Variants in MN1 observed in about 807,000 individuals in gnomAD.
The protein encoded by MN1 is MN1 proto-oncogene, transcriptional regulator.
A neutral mutation model predicts 86.9 loss-of-function variants in MN1; 19 were observed. The observed-to-expected ratio is 0.22, with a 90% CI of 0.15 to 0.32. The LOEUF is 0.32. Ranked by LOEUF, MN1 falls within the 10% of genes least tolerant of loss-of-function variation. The probability of loss-of-function intolerance (pLI) is 1.00; values close to 1 mark genes in which losing one functional copy is unlikely to be tolerated. For synonymous variants in MN1, 928 were observed against 849.6 expected, an observed-to-expected ratio of 1.09 and a Z score of -1.60; for missense variants, 1,841 against 1,862.0, an observed-to-expected ratio of 0.99 and a Z score of 0.21.
rs776544954 is a variant in MN1, at chr22:27,799,770, A to G, written c.774T>C (p.His258=). 6.3e-7 allele frequency: 1 copy of G among 1,594,822 alleles called. No homozygotes were observed. The highest frequency in any genetic ancestry group is 1.1e-5 in the South Asian group (1 of 88,536). Reference sequence around the variant, plus strand: ...CAGGAACCTGGCGACCCGCTGCATAATGAGGCAGCTGCCCTTCGGAGTCAG... The same window carrying G: ...CAGGAACCTGGCGACCCGCTGCATAGTGAGGCAGCTGCCCTTCGGAGTCAG... The part of the protein sequence containing the change: ...SPSDSEGQLP[H]YAAGRQVPGG... The change falls in exon 1 of 2, where the codon CAT becomes CAC. Residue 258 remains histidine, a synonymous_variant. Transcript: ENST00000302326.
At chr22:27,769,987 A>G (rs1932901060) in intron 1 of MN1, among the ~76,000 whole-genome samples, 1 of 152,170 alleles carries the variant, frequency 6.6e-6, no homozygotes, top group Non-Finnish European at 1.5e-5. Flanking sequence ...GGAAAAGGAG[A>G]GTCGATGGCT....
Position 27,800,794 on chromosome 22 carries a change from C to T in MN1, c.-251G>A, listed in dbSNP as rs967305870. 22 of 536,910 alleles carry T rather than the reference C, an allele frequency of 4.1e-5. 1 individual carries two copies. In the South Asian group the frequency reaches 4.7e-4, roughly 12 times the overall value. The allele number at this position is 536,910 out of a possible 1,614,324, so 33.3% of individuals were successfully genotyped here. A position where few individuals can be genotyped will look rare whatever the true frequency, so the allele number is the denominator to read the frequency against. The stretch of plus-strand genomic sequence containing the variant: ...GCGAGGCCGCGGGGCCTCTAGGAGC[C>T]GTGTTGGGGGGCCCATGCCCCGGGC... On this transcript the variant is annotated 5_prime_UTR_variant, in exon 1 of 2. Transcript: ENST00000302326.
At chr22:27,781,446 C>A (rs1933052306) in intron 1 of MN1, among the ~76,000 whole-genome samples, 1 of 152,058 alleles carries the variant, frequency 6.6e-6, no homozygotes, top group African/African-American at 2.4e-5. Flanking sequence ...TAGACATTGC[C>A]AAGTATGCCC....
chr22:27,797,436 A>C lies in MN1; in HGVS notation c.3108T>G (p.Ser1036Arg). ...GSLDGGAKSD[S>R]SSPNVGEFAS... ...CGAACTCACCCACGTTTGGCGAACT[A>C]CTGTCCGACTTGGCCCCGCCGTCCA... Residue 1036 changes from serine to arginine, a missense_variant, in exon 1 of 2, where the codon AGT becomes AGG. By Grantham distance (110) the Ser-to-Arg change is moderately radical. Transcript: ENST00000302326. The C allele has an allele frequency of 1.2e-6, 2 of 1,608,524 alleles. No individual in the cohort carries two copies. Among genetic ancestry groups the C allele is most frequent in the Non-Finnish European group, 1.7e-6 (2 of 1,177,810 alleles).
intron 1 of MN1, among the ~76,000 whole-genome samples, chr22:27,759,358 T>C (rs1241947421): frequency 6.6e-6 from 1 of 152,116 alleles, no homozygotes; most frequent in African/African-American, 2.4e-5. Flanking sequence ...GACTCTGGGC[T>C]CAGGGGCAGG....
chr22:27,763,285 C>G (rs904917665), intron 1 of MN1, among the ~76,000 whole-genome samples: 2 of 152,216 alleles, frequency 1.3e-5, no homozygotes, highest in Non-Finnish European at 2.9e-5. Context: ...CCCCCCCATC[C>G]ATGGGTCTGC....
At chr22:27,790,875 G>A (rs550226894) in intron 1 of MN1, among the ~76,000 whole-genome samples, 7 of 152,260 alleles carry the variant, frequency 4.6e-5, no homozygotes, top group East Asian at 1.9e-4. Flanking sequence ...CAGGAGGCCC[G>A]GGAGGCTGAG....
chr22:27,782,124 T>TA (rs768573663), intron 1 of MN1, among the ~76,000 whole-genome samples: 14 of 151,990 alleles, frequency 9.2e-5, no homozygotes, highest in Non-Finnish European at 1.3e-4. Context: ...TGTCGGGTGG[T>TA]AAAAAATACC....
chr22:27,785,056 CCACACACA>C (rs57257445), intron 1 of MN1, among the ~76,000 whole-genome samples: 220 of 144,880 alleles, frequency 1.5e-3, no homozygotes, highest in East Asian at 6.2e-3. Context: ...CTGGCATCCG[CCACACACA>C]CACACACACA....
intron 1 of MN1, among the ~76,000 whole-genome samples, chr22:27,788,900 G>T (rs1933175591): frequency 6.6e-6 from 1 of 152,066 alleles, no homozygotes; most frequent in African/African-American, 2.4e-5. Flanking sequence ...CCCCCAGACG[G>T]TGTCACTCCA....
At chr22:27,767,817 A>C (rs1932881675) in intron 1 of MN1, among the ~76,000 whole-genome samples, 1 of 152,156 alleles carries the variant, frequency 6.6e-6, no homozygotes, top group Admixed American at 6.5e-5. Context: ...AGAAAGAGAG[A>C]GACAGTATCA....
In MN1 at chr22:27,798,504, C is replaced by A. The variant is rs749415406; in HGVS notation, c.2040G>T (p.Leu680=). ...CTCCGGGCATCCTCATCGGCTCCTG[C>A]AGAGGGCCCCGGAACAGCACCCCCG... is the stretch of plus-strand genomic sequence containing the variant. ...GGSGVLFRGP[L]QEPMRMPGEG... The change falls in exon 1 of 2, where the codon CTG becomes CTT. Residue 680 remains leucine, a synonymous_variant. Coordinates refer to ENST00000302326, the MANE Select transcript of MN1 (RefSeq NM_002430.3). 1 of 1,543,660 alleles carries A rather than the reference C, an allele frequency of 6.5e-7. No individual in the cohort carries two copies. Among genetic ancestry groups the A allele is most frequent in the South Asian group, 1.2e-5 (1 of 82,196 alleles).
Position 27,754,505 on chromosome 22 carries a change from G to A in MN1, c.3782-3409C>T, listed in dbSNP as rs561331135. 6.6e-5 allele frequency among the ~76,000 whole-genome samples: 10 copies of A among 152,344 alleles called. No individual in the cohort carries two copies. The South Asian group carries it at 2.1e-3, about 32-fold the overall frequency. On this transcript the variant is annotated intron_variant, in intron 1 of 1. Coordinates refer to ENST00000302326, the MANE Select transcript of MN1 (RefSeq NM_002430.3). Reference sequence around the variant, plus strand: ...CAGCCTCCGCCTAGAATGAGAAAGAGAGCCAACCAGTCTGGTATCCACAGG... The same window carrying A: ...CAGCCTCCGCCTAGAATGAGAAAGAAAGCCAACCAGTCTGGTATCCACAGG...
At position 27,799,872 on chromosome 22, in the gene MN1, G is replaced by C. The variant is rs1933398134; in HGVS notation, c.672C>G (p.Asn224Lys). The change falls in exon 1 of 2, where the codon AAC (asparagine) becomes AAG (lysine). Residue 224 changes from asparagine (N) to lysine (K), a missense_variant. Physicochemically the swap from Asn to Lys is moderately conservative, Grantham distance 94. Transcript: ENST00000302326. ...ATTCCAGCGAGTCGACGGCTCCTTG[G>C]TTCGTCACCCTCCGTGGCTCCAGAC... ...SHSLEPRRVTNQGAVDSLEYN... is the reference protein window; with the variant it reads ...SHSLEPRRVTKQGAVDSLEYN... 2 of 1,603,186 alleles carry C rather than the reference G, an allele frequency of 1.2e-6. No homozygotes were observed. Among genetic ancestry groups the C allele is most frequent in the East Asian group, 4.5e-5 (2 of 44,442 alleles).
intron 1 of MN1, among the ~76,000 whole-genome samples, chr22:27,787,738 C>G (rs956869958): frequency 6.6e-6 from 1 of 152,160 alleles, no homozygotes; most frequent in African/African-American, 2.4e-5. Flanking sequence ...CCCATCATCC[C>G]TCTTTTATGG....
chr22:27,749,467 G>A lies in MN1; in HGVS notation c.*1448C>T. On this transcript the variant is annotated 3_prime_UTR_variant, in exon 2 of 2. Transcript: ENST00000302326. ...GTTACTTCCTGTCTAACCCACCGGG[G>A]AATCTATGTGCCCCCCACCACAAGC... 1 of 232,268 alleles carries A rather than the reference G, an allele frequency of 4.3e-6. No homozygotes were observed. The highest frequency in any genetic ancestry group is 8.5e-6 in the Non-Finnish European group (1 of 117,392). The allele number at this position is 232,268 out of a possible 1,614,324, so 14.4% of individuals were successfully genotyped here.
intron 1 of MN1, among the ~76,000 whole-genome samples, chr22:27,766,617 C>A (rs948392570): frequency 6.6e-6 from 1 of 152,170 alleles, no homozygotes; most frequent in Non-Finnish European, 1.5e-5. Context: ...AGGATTAAGA[C>A]CCAGTGCCTC....
chr22:27,787,301 A>G (rs1933147225), intron 1 of MN1, among the ~76,000 whole-genome samples: 1 of 152,126 alleles, frequency 6.6e-6, no homozygotes, highest in Admixed American at 6.5e-5. Context: ...TTCAAATACT[A>G]AACAATCGCC....
chr22:27,785,314 C>T (rs1299239617), intron 1 of MN1, among the ~76,000 whole-genome samples: 1 of 152,164 alleles, frequency 6.6e-6, no homozygotes, highest in Non-Finnish European at 1.5e-5. Flanking sequence ...TTCCTAACAA[C>T]GGAAAAACCC....
Sources: allele counts gnomAD v4.1 joint callset (sites outside exome capture counted in the v4.1 genomes callset), GRCh38; gene constraint gnomAD v4.1.1; transcripts MANE v1.5; gene names NCBI Gene and HGNC (gene_info 2026-07-23, HGNC 2026-07-21).